MAP7D2: variants seen among roughly 807,000 people sequenced by gnomAD.
MAP7D2 encodes MAP7 domain containing 2.
A neutral mutation model predicts 63.5 loss-of-function variants in MAP7D2; 33 were observed. The ratio of observed to expected loss-of-function variants is 0.52; its 90% CI spans 0.39 to 0.70. The LOEUF is 0.70. MAP7D2 is among the 30% of genes least tolerant of loss of function. The pLI is 0.00. For missense variants in MAP7D2, 626 were observed against 604.0 expected (o/e 1.04, Z -0.38); for synonymous variants, 224 against 223.7 (o/e 1.00, Z -0.01).
In MAP7D2 at chrX:20,109,420, T is replaced by C. The variant is rs556151765; in HGVS notation, c.130+7330A>G. ...CTGTAGTCCCAGCTACTCGGGAGGC[T>C]GAGGCAGGAGAATCGCTTGAACCCA... On this transcript the variant is annotated intron_variant, in intron 1 of 16. Transcript: ENST00000379643. 1.9e-3 allele frequency among the ~76,000 whole-genome samples: 202 copies of C among 104,427 alleles called. 4 individuals are homozygous for C. In the South Asian group the frequency reaches 0.025, roughly 13 times the overall value. The allele number at this position is 104,427 out of a possible 115,157, so 90.7% of individuals were successfully genotyped here. A position where few individuals can be genotyped will look rare whatever the true frequency, so the allele number is the denominator to read the frequency against.
At chrX:20,010,669 GT>G (rs892882561) in intron 16 of MAP7D2, 107 bp downstream of exon 16, 94 of 635,325 alleles carry the variant, frequency 1.5e-4, no homozygotes, top group Non-Finnish European at 2.0e-4. Flanking sequence ...TCATGTTTGC[GT>G]TTTTCAAATA....
intron 1 of MAP7D2, among the ~76,000 whole-genome samples, chrX:20,089,076 C>T (rs1386448035): frequency 1.8e-5 from 2 of 111,823 alleles, no homozygotes; most frequent in African/African-American, 3.2e-5. Flanking sequence ...CCACCGTGCT[C>T]GGCCTCTCCT....
intron 8 of MAP7D2, among the ~76,000 whole-genome samples, chrX:20,038,143 T>C (rs776651887): frequency 2.7e-5 from 3 of 111,966 alleles, no homozygotes; most frequent in Non-Finnish European, 5.6e-5. Flanking sequence ...AGGTTGATTA[T>C]ACTGGACCTC....
chrX:20,018,026 G>GTGCAACCT (rs1324263781), intron 10 of MAP7D2, among the ~76,000 whole-genome samples: 2 of 105,630 alleles, frequency 1.9e-5, no homozygotes, highest in Non-Finnish European at 3.9e-5. Context: ...GAGTGCAATG[G>GTGCAACCT]TGCAACCTTG....
chrX:20,085,178 G>A (rs2065880999), intron 1 of MAP7D2, among the ~76,000 whole-genome samples: 1 of 111,899 alleles, frequency 8.9e-6, no homozygotes. Flanking sequence ...TATACTCTTA[G>A]TCATAATCCC....
intron 1 of MAP7D2, among the ~76,000 whole-genome samples, chrX:20,087,990 C>T (rs1193900260): frequency 3.9e-5 from 4 of 101,637 alleles, no homozygotes; most frequent in Non-Finnish European, 7.9e-5. Flanking sequence ...CCCAGGTTCA[C>T]GCAATTCTCC....
intron 4 of MAP7D2, among the ~76,000 whole-genome samples, chrX:20,055,465 A>T (rs1403027239): frequency 8.9e-6 from 1 of 111,875 alleles, no homozygotes; most frequent in Admixed American, 9.5e-5. Context: ...GTGTGCAAAA[A>T]TCCAACACTG....
rs147399200 is a variant in MAP7D2, at chrX:20,049,871, A to C, written c.718+953T>G. The C allele has an allele frequency of 2.8e-3, 910 of 322,581 alleles. 10 individuals carry two copies. Among genetic ancestry groups the C allele is most frequent in the African/African-American group, 0.021 (782 of 37,312 alleles). 26.6% of individuals were successfully genotyped at this position (322,581 alleles called of 1,213,427 possible). A position where few individuals can be genotyped will look rare whatever the true frequency, so the allele number is the denominator to read the frequency against. On this transcript the variant is annotated intron_variant, in intron 6 of 16. Coordinates refer to ENST00000379643, the MANE Select transcript of MAP7D2 (RefSeq NM_001168465.2). ...TTATTTCCCCTTTTAAAAAAATTCTAGTCATCCTAGTGGGTGTAAAGTGGC... is the reference window on the plus strand; with the variant it reads ...TTATTTCCCCTTTTAAAAAAATTCTCGTCATCCTAGTGGGTGTAAAGTGGC...
intron 1 of MAP7D2, among the ~76,000 whole-genome samples, chrX:20,069,277 G>T (rs2065438092): frequency 9.0e-6 from 1 of 110,989 alleles, no homozygotes; most frequent in Admixed American, 9.6e-5. Context: ...CACGATCATT[G>T]CTCACTGCAG....
chrX:20,082,837 C>A (rs972144045), intron 1 of MAP7D2, among the ~76,000 whole-genome samples: 3 of 111,577 alleles, frequency 2.7e-5, no homozygotes, highest in Non-Finnish European at 5.6e-5. Context: ...ATTATATTGA[C>A]CAGACTGGTC....
At chrX:20,109,363 T>C (rs2066664931) in intron 1 of MAP7D2, among the ~76,000 whole-genome samples, 1 of 107,750 alleles carries the variant, frequency 9.3e-6, no homozygotes, top group African/African-American at 3.4e-5. Flanking sequence ...TTACTAAAAG[T>C]ACAAAAATTA....
chrX:20,106,886 G>A (rs753287343), intron 1 of MAP7D2, among the ~76,000 whole-genome samples: 4 of 110,492 alleles, frequency 3.6e-5, no homozygotes, highest in African/African-American at 1.3e-4. Flanking sequence ...GGGAGCTGAG[G>A]TGGGAGGATC....
chrX:20,030,249 A>C (rs1025131221), intron 8 of MAP7D2, among the ~76,000 whole-genome samples: 1 of 112,156 alleles, frequency 8.9e-6, no homozygotes, highest in African/African-American at 3.2e-5. Flanking sequence ...AAGAAAACCA[A>C]AGTCCTAAGA....
intron 1 of MAP7D2, among the ~76,000 whole-genome samples, chrX:20,086,167 G>T (rs1224646985): frequency 8.9e-6 from 1 of 112,151 alleles, no homozygotes; most frequent in Non-Finnish European, 1.9e-5. Context: ...GGTGTGGCCG[G>T]TCCTTCTCAG....
intron 15 of MAP7D2, among the ~76,000 whole-genome samples, chrX:20,011,944 GTTC>G (rs762696932): frequency 2.7e-5 from 3 of 112,351 alleles, no homozygotes; most frequent in Non-Finnish European, 3.8e-5. Flanking sequence ...CTGCTGCCAG[GTTC>G]TTCTTTTTCT....
At chrX:20,071,236 A>T (rs1053548954) in intron 1 of MAP7D2, among the ~76,000 whole-genome samples, 7 of 112,266 alleles carry the variant, frequency 6.2e-5, no homozygotes, top group African/African-American at 2.3e-4. Context: ...GCATGTGGAG[A>T]CCACCGCTTC....
chrX:20,076,004 T>C (rs1208441909), intron 1 of MAP7D2, among the ~76,000 whole-genome samples: 1 of 111,507 alleles, frequency 9.0e-6, no homozygotes, highest in Non-Finnish European at 1.9e-5. Context: ...CCAATGATTC[T>C]CAAGCTTTCG....
intron 10 of MAP7D2, among the ~76,000 whole-genome samples, chrX:20,021,082 T>C (rs2073621354): frequency 8.9e-6 from 1 of 112,513 alleles, no homozygotes; most frequent in East Asian, 2.8e-4. Flanking sequence ...GATCTCCTGC[T>C]TACTAGTTCC....
intron 1 of MAP7D2, among the ~76,000 whole-genome samples, chrX:20,081,911 A>G (rs903784015): frequency 1.8e-5 from 2 of 111,730 alleles, no homozygotes; most frequent in African/African-American, 6.5e-5. Context: ...CAGACTCCCA[A>G]AGTACTGGGA....
Sources: allele counts gnomAD v4.1 joint callset (sites outside exome capture counted in the v4.1 genomes callset), GRCh38; gene constraint gnomAD v4.1.1; transcripts MANE v1.5; gene names NCBI Gene and HGNC (gene_info 2026-07-23, HGNC 2026-07-21).